The following PCDHA5 variants were observed in gnomAD, a reference collection of about 807,000 sequenced individuals.
PCDHA5 encodes protocadherin alpha 5.
PCDHA5 carries 43 observed loss-of-function variants against 61.6 expected under a neutral mutation model. The observed-to-expected ratio is 0.70, with a 90% CI of 0.55 to 0.90. PCDHA5 has a LOEUF of 0.90. PCDHA5 is among the 40% of genes least tolerant of loss of function. PCDHA5 has a pLI of 0.00. For synonymous variants in PCDHA5, 627 were observed against 543.9 expected, an observed-to-expected ratio of 1.15 and a Z score of -2.13; for missense variants, 1,298 against 1,222.7, an observed-to-expected ratio of 1.06 and a Z score of -0.92.
chr5:140,883,171 A>G, intron 1 of PCDHA5: 7 of 1,614,008 alleles, frequency 4.3e-6, no homozygotes, highest in Non-Finnish European at 5.9e-6. Flanking sequence ...ACAATGGAGA[A>G]ATTAGGACAA....
At chr5:141,008,434 A>G (rs1466409442) in intron 3 of PCDHA5, among the ~76,000 whole-genome samples, 2 of 152,196 alleles carry the variant, frequency 1.3e-5, no homozygotes, top group Admixed American at 6.5e-5. Context: ...CACTTTGCCC[A>G]GACAGACCAT....
At position 140,841,443 on chromosome 5, in the gene PCDHA5, A is replaced by G. The variant is rs2150315650; in HGVS notation, c.2352+17316A>G. 1.2e-6 allele frequency: 2 copies of G among 1,612,892 alleles called. 1 individual carries two copies. Among genetic ancestry groups the G allele is most frequent in the Non-Finnish European group, 1.7e-6 (2 of 1,179,848 alleles). On this transcript the variant is annotated intron_variant, in intron 1 of 3. Transcript: ENST00000529859. ...TACTCCGTCCCCGAGGAGGCCAAAC[A>G]CGGCACCTTCGTGGGCCGGATCGCG...
rs782270666 is a variant in PCDHA5, at chr5:140,884,372, A to G, written c.2352+60245A>G. ...GGTGGATGTCAATGTTTACTTGATC[A>G]TTGCCATCTGCGCGGTGTCCAGCCT... On this transcript the variant is annotated intron_variant, in intron 1 of 3. Coordinates refer to ENST00000529859, the MANE Select transcript of PCDHA5 (RefSeq NM_018908.3). 6 of 1,613,806 alleles carry G rather than the reference A, an allele frequency of 3.7e-6. No homozygotes were observed. Among genetic ancestry groups the G allele is most frequent in the Non-Finnish European group, 5.1e-6 (6 of 1,179,874 alleles).
chr5:140,882,319 G>T, intron 1 of PCDHA5: 3 of 1,614,136 alleles, frequency 1.9e-6, no homozygotes, highest in Non-Finnish European at 2.5e-6. Flanking sequence ...TACTGCTCTG[G>T]CTTCTGATCC....
In PCDHA5 at chr5:140,849,693, A is replaced by C. The variant is rs2150445321; in HGVS notation, c.2352+25566A>C. 85 of 1,598,584 alleles carry C rather than the reference A, an allele frequency of 5.3e-5. 3 individuals are homozygous for C. The East Asian group carries it at 1.1e-3, about 21-fold the overall frequency. On this transcript the variant is annotated intron_variant, in intron 1 of 3. Coordinates refer to ENST00000529859, the MANE Select transcript of PCDHA5 (RefSeq NM_018908.3). ...CCACGTCCCCTTCAAGCTGGTGTCC[A>C]CCTACAAGAATTACTACTCGTTGGT...
chr5:140,834,802 T>C, intron 1 of PCDHA5: 1 of 1,612,920 alleles, frequency 6.2e-7, no homozygotes, highest in Non-Finnish European at 8.5e-7. Context: ...CAAAGGAATC[T>C]GTTCATCGCG....
At chr5:140,852,752 C>A in intron 1 of PCDHA5, 1 of 983,714 alleles carries the variant, frequency 1.0e-6, no homozygotes, top group Non-Finnish European at 1.2e-6. Context: ...TAAACTTGGA[C>A]CCAGGTATCT....
At chr5:140,937,748 T>C (rs192465220) in intron 1 of PCDHA5, among the ~76,000 whole-genome samples, 1 of 151,812 alleles carries the variant, frequency 6.6e-6, no homozygotes, top group Admixed American at 6.6e-5. Context: ...CCGTCTCTAC[T>C]AAAAATACAA....
At chr5:140,903,454 A>G (rs1554190971) in intron 1 of PCDHA5, among the ~76,000 whole-genome samples, 1 of 152,208 alleles carries the variant, frequency 6.6e-6, no homozygotes, top group Non-Finnish European at 1.5e-5. Flanking sequence ...ATCTGATCAA[A>G]CTTAAAATAT....
intron 1 of PCDHA5, chr5:140,851,808 A>G (rs1231685115): frequency 1.1e-6 from 1 of 948,168 alleles, no homozygotes; most frequent in Non-Finnish European, 1.3e-6. Context: ...TCAGTAATCC[A>G]TAAGACAGAA....
At chr5:140,995,999 G>A (rs1489207802) in intron 3 of PCDHA5, among the ~76,000 whole-genome samples, 3 of 152,198 alleles carry the variant, frequency 2.0e-5, no homozygotes, top group Admixed American at 6.5e-5. Context: ...CAAAAATGTC[G>A]TCAGAACTAT....
At chr5:140,875,304 A>G in intron 1 of PCDHA5, 6 of 1,416,398 alleles carry the variant, frequency 4.2e-6, no homozygotes, top group Non-Finnish European at 5.5e-6. Context: ...TTTTCTCCGC[A>G]CCCACATTCC....
At chr5:140,851,062 AGTGAGAATTATAAACT>A in intron 1 of PCDHA5, 1 of 1,372,160 alleles carries the variant, frequency 7.3e-7, no homozygotes, top group Non-Finnish European at 9.6e-7. Context: ...CTTGACTTCT[AGTGAGAATTATAAACT>A]GTATATTAAA....
chr5:140,972,987 T>C (rs2096567014), intron 1 of PCDHA5, among the ~76,000 whole-genome samples: 1 of 152,044 alleles, frequency 6.6e-6, no homozygotes, highest in Admixed American at 6.6e-5. Flanking sequence ...TAAGGTAGAT[T>C]CTGTGCATTT....
chr5:140,909,380 C>T (rs1247939021), intron 1 of PCDHA5, among the ~76,000 whole-genome samples: 2 of 152,194 alleles, frequency 1.3e-5, no homozygotes, highest in East Asian at 1.9e-4. Context: ...AATGAAACCA[C>T]ATCTAGTACA....
intron 1 of PCDHA5, chr5:140,863,190 G>A (rs782460122): frequency 1.3e-6 from 1 of 798,634 alleles, no homozygotes; most frequent in South Asian, 1.3e-5. Context: ...TCACCGTGGT[G>A]GCGTCGCTGG....
chr5:141,010,031 A>G lies in PCDHA5; in HGVS notation c.*94A>G, dbSNP rs113710382. The stretch of plus-strand genomic sequence containing the variant: ...TTCCCTGCTCCTTTTTCCTATCTAC[A>G]TGAGCCCTCTTAGAGACCTCAGAAA... On this transcript the variant is annotated 3_prime_UTR_variant, in exon 4 of 4. Transcript: ENST00000529859. 1.9e-6 allele frequency: 3 copies of G among 1,581,690 alleles called. No individual in the cohort carries two copies. The highest frequency in any genetic ancestry group is 2.6e-6 in the Non-Finnish European group (3 of 1,166,446).
chr5:140,936,003 C>T (rs1362734996), intron 1 of PCDHA5, among the ~76,000 whole-genome samples: 22 of 151,556 alleles, frequency 1.5e-4, no homozygotes, highest in Non-Finnish European at 1.5e-4. Context: ...AGCGATTCTC[C>T]CACCTCAGCC....
Position 140,823,631 on chromosome 5 carries a change from T to G in PCDHA5, c.1856T>G (p.Ile619Ser). 2 of 1,614,056 alleles carry G rather than the reference T, an allele frequency of 1.2e-6. No individual in the cohort carries two copies. Among genetic ancestry groups the G allele is most frequent in the Non-Finnish European group, 1.7e-6 (2 of 1,179,956 alleles). Residue 619 changes from isoleucine to serine, a missense_variant, in exon 1 of 4, where the codon ATC (isoleucine) becomes AGC (serine). By Grantham distance (142) the Ile-to-Ser change is moderately radical. Transcript: ENST00000529859. The part of the protein sequence containing the change: ...ELQPAPGSAR[I>S]PFRVGLYTGE... ...CAGCCAGCGCCTGGCAGTGCGCGCA[T>G]CCCGTTCCGCGTGGGGCTGTACACA...
Sources: gnomAD v4.1 joint callset for allele counts (sites outside exome capture counted in the v4.1 genomes callset) on GRCh38, gnomAD v4.1.1 for gene constraint, MANE v1.5 for transcripts, NCBI Gene and HGNC (gene_info 2026-07-23, HGNC 2026-07-21) for gene names.